The following UBE2D3 variants were observed in gnomAD, a reference collection of about 807,000 sequenced individuals.
The protein encoded by UBE2D3 is ubiquitin conjugating enzyme E2 D3.
In UBE2D3, 2 loss-of-function variants were observed where a neutral mutation model predicts 22.8. The ratio of observed to expected loss-of-function variants is 0.09; its 90% CI spans 0.04 to 0.28. The LOEUF (loss-of-function observed/expected upper bound fraction) is 0.28, where lower values mean the gene tolerates loss of function less well. Ranked by LOEUF, UBE2D3 falls within the 10% of genes least tolerant of loss-of-function variation. UBE2D3 has a pLI of 1.00. For missense variants in UBE2D3, 27 were observed against 182.5 expected (o/e 0.15, Z 4.91); for synonymous variants, 56 against 60.4 (o/e 0.93, Z 0.34).
At chr4:102,861,149 ACT>A (rs1383956027) in intron 1 of UBE2D3, among the ~76,000 whole-genome samples, 1 of 151,934 alleles carries the variant, frequency 6.6e-6, no homozygotes, top group Non-Finnish European at 1.5e-5. Flanking sequence ...TCCTGGGAGA[ACT>A]CATGGGCCAA....
At chr4:102,867,847 G>A (rs75083634) in intron 1 of UBE2D3, among the ~76,000 whole-genome samples, 2,462 of 152,160 alleles carry the variant, frequency 0.016, 64 homozygotes, top group African/African-American at 0.053. Flanking sequence ...TTGCCCAACA[G>A]GATGGCTTTG....
chr4:102,808,492 T>C (rs1475717885), intron 4 of UBE2D3, among the ~76,000 whole-genome samples: 1 of 152,208 alleles, frequency 6.6e-6, no homozygotes, highest in Non-Finnish European at 1.5e-5. Context: ...GTATTAAACT[T>C]AATATTTGCA....
intron 1 of UBE2D3, among the ~76,000 whole-genome samples, chr4:102,841,470 C>T (rs1731751941): frequency 6.6e-6 from 1 of 152,140 alleles, no homozygotes; most frequent in South Asian, 2.1e-4. Context: ...TTCCAGTCAT[C>T]AAGACTAAGA....
rs1276633194 is a variant in UBE2D3, at chr4:102,796,072, AT to A, written c.*1342del. On this transcript the variant is annotated 3_prime_UTR_variant, in exon 8 of 8. Coordinates refer to ENST00000453744, the MANE Select transcript of UBE2D3 (RefSeq NM_181891.3). ...TTAATGTAAATGGCTGAACAAATCC[AT>A]TTCAATGGATACTCAATATCCCACA... The A allele has an allele frequency of 6.6e-6, 1 of 152,430 alleles. No individual in the cohort carries two copies. Among genetic ancestry groups the A allele is most frequent in the Non-Finnish European group, 1.5e-5 (1 of 67,912 alleles). 9.4% of individuals were successfully genotyped at this position (152,430 alleles called of 1,614,324 possible). A position where few individuals can be genotyped will look rare whatever the true frequency, so the allele number is the denominator to read the frequency against.
At chr4:102,811,714 A>T (rs1728067807) in intron 2 of UBE2D3, 1 of 417,972 alleles carries the variant, frequency 2.4e-6, no homozygotes, top group Non-Finnish European at 4.6e-6. Context: ...ACGTACTCAT[A>T]TACAAAAGAC....
chr4:102,798,139 C>G (rs930502134), intron 7 of UBE2D3, among the ~76,000 whole-genome samples: 2 of 151,348 alleles, frequency 1.3e-5, no homozygotes, highest in South Asian at 2.1e-4. Context: ...TTAAAAAGAT[C>G]AACAGGTAAT....
chr4:102,832,014 C>G (rs1731141801), upstream of UBE2D3, among the ~76,000 whole-genome samples: 1 of 152,198 alleles, frequency 6.6e-6, no homozygotes. Flanking sequence ...AAGAAAGTCT[C>G]TTGAGGAGAC....
intron 1 of UBE2D3, among the ~76,000 whole-genome samples, chr4:102,849,313 C>A (rs1457268547): frequency 2.1e-5 from 3 of 142,722 alleles, no homozygotes; most frequent in Non-Finnish European, 4.5e-5. Flanking sequence ...GCAGTGAGCC[C>A]TGGTTGTGCC....
intron 4 of UBE2D3, chr4:102,809,010 G>C (rs1239517264): frequency 6.7e-6 from 1 of 148,420 alleles, no homozygotes; most frequent in Non-Finnish European, 1.4e-5. Context: ...ATCCTTAAGC[G>C]CCTTAGCAAG....
chr4:102,796,306 C>T lies in UBE2D3; in HGVS notation c.*1109G>A, dbSNP rs970453496. 3 of 152,352 alleles carry T rather than the reference C, an allele frequency of 2.0e-5. No homozygotes were observed. The highest frequency in any genetic ancestry group is 7.2e-5 in the African/African-American group (3 of 41,400). 9.4% of individuals were successfully genotyped at this position (152,352 alleles called of 1,614,324 possible). ...AACACATTTCAAAACTGCTGGGTCCCAAAAGTCCATCTATGAACTCTAGGG... is the reference window on the plus strand; with the variant it reads ...AACACATTTCAAAACTGCTGGGTCCTAAAAGTCCATCTATGAACTCTAGGG... On this transcript the variant is annotated 3_prime_UTR_variant, in exon 8 of 8. Transcript: ENST00000453744.
intron 2 of UBE2D3, among the ~76,000 whole-genome samples, chr4:102,815,816 T>C (rs543724907): frequency 2.0e-5 from 3 of 152,286 alleles, no homozygotes; most frequent in Non-Finnish European, 2.9e-5. Flanking sequence ...AAATTCAATA[T>C]AGAAAAATGA....
At chr4:102,848,407 G>A (rs1578291899) in intron 1 of UBE2D3, among the ~76,000 whole-genome samples, 1 of 152,102 alleles carries the variant, frequency 6.6e-6, no homozygotes, top group African/African-American at 2.4e-5. Context: ...CACTTTGGGA[G>A]GCCGAGGTGG....
chr4:102,799,063 G>A, intron 7 of UBE2D3: 1 of 1,414,956 alleles, frequency 7.1e-7, no homozygotes, highest in Non-Finnish European at 9.8e-7. Context: ...TCAAATATTT[G>A]AGAAATTTAG....
chr4:102,868,703 C>T (rs1733305215), intron 1 of UBE2D3: 2 of 1,614,008 alleles, frequency 1.2e-6, no homozygotes, highest in African/African-American at 1.3e-5. Context: ...GTAGAGACAG[C>T]AAGAGACTCA....
At chr4:102,861,054 G>A (rs1030782953) in intron 1 of UBE2D3, among the ~76,000 whole-genome samples, 1 of 151,926 alleles carries the variant, frequency 6.6e-6, no homozygotes, top group African/African-American at 2.4e-5. Context: ...TCAGTATTCT[G>A]GATAGGGAAA....
At chr4:102,834,388 G>A (rs1459946323) in intron 1 of UBE2D3, among the ~76,000 whole-genome samples, 1 of 152,098 alleles carries the variant, frequency 6.6e-6, no homozygotes, top group Non-Finnish European at 1.5e-5. Context: ...ATTTGATCCT[G>A]GTTTCCCTCC....
intron 1 of UBE2D3, chr4:102,843,418 G>A (rs1449928173): frequency 6.6e-6 from 1 of 150,796 alleles, no homozygotes; most frequent in East Asian, 1.9e-4. Flanking sequence ...ATCATGAATT[G>A]TTGTTATTTG....
At chr4:102,829,819 A>G, upstream of UBE2D3, among the ~76,000 whole-genome samples, 1 of 152,130 alleles carries the variant, frequency 6.6e-6, no homozygotes, top group East Asian at 1.9e-4. Flanking sequence ...GGCGCCTGTA[A>G]TCCCAGCTGC....
chr4:102,862,875 G>A (rs1169678781), intron 1 of UBE2D3, among the ~76,000 whole-genome samples: 1 of 152,102 alleles, frequency 6.6e-6, no homozygotes, highest in Non-Finnish European at 1.5e-5. Context: ...TTGGCTCATG[G>A]TTCTGCAGGC....
Sources: gnomAD v4.1 joint callset for allele counts (sites outside exome capture counted in the v4.1 genomes callset) on GRCh38, gnomAD v4.1.1 for gene constraint, MANE v1.5 for transcripts, NCBI Gene and HGNC (gene_info 2026-07-23, HGNC 2026-07-21) for gene names.